Variants in MSH4 observed in about 807,000 individuals in gnomAD.
The protein encoded by MSH4 is mutS homolog 4.
A neutral mutation model predicts 113.7 loss-of-function variants in MSH4; 106 were observed. The ratio of observed to expected loss-of-function variants is 0.93; its 90% CI spans 0.80 to 1.10. The LOEUF is 1.10. Ranked by LOEUF, MSH4 falls within the 50% of genes least tolerant of loss-of-function variation. MSH4 has a pLI of 0.00. For missense variants in MSH4, 1,061 were observed against 1,093.7 expected (o/e 0.97, Z 0.42); for synonymous variants, 368 against 380.2 (o/e 0.97, Z 0.37).
intron 8 of MSH4, among the ~76,000 whole-genome samples, chr1:75,856,768 C>T (rs990833940): frequency 1.3e-5 from 2 of 152,010 alleles, no homozygotes; most frequent in African/African-American, 2.4e-5. Flanking sequence ...GTGTCTTTAT[C>T]GTAGAATGAT....
intron 7 of MSH4, among the ~76,000 whole-genome samples, chr1:75,836,732 A>G (rs1243188662): frequency 6.6e-6 from 1 of 152,124 alleles, no homozygotes; most frequent in Admixed American, 6.6e-5. Flanking sequence ...GTGATTACAC[A>G]ACCTCCTGAT....
At chr1:75,815,836 C>T (rs1056768583) in intron 5 of MSH4, among the ~76,000 whole-genome samples, 1 of 151,964 alleles carries the variant, frequency 6.6e-6, no homozygotes, top group Non-Finnish European at 1.5e-5. Context: ...GGCAAAACCC[C>T]ATCTCTACCA....
At chr1:75,861,417 T>C (rs1651453016) in intron 8 of MSH4, among the ~76,000 whole-genome samples, 1 of 152,234 alleles carries the variant, frequency 6.6e-6, no homozygotes, top group Admixed American at 6.5e-5. Context: ...ACCTTTGTCC[T>C]TTGATGTTGG....
intron 15 of MSH4, 152 bp from the exon 16 acceptor site, chr1:75,889,099 T>G: frequency 2.4e-6 from 1 of 411,054 alleles, no homozygotes; most frequent in Non-Finnish European, 4.4e-6. Flanking sequence ...GCTTTTATAA[T>G]AAGGGATAGA....
At chr1:75,856,603 C>T (rs1004628515) in intron 8 of MSH4, among the ~76,000 whole-genome samples, 3 of 152,178 alleles carry the variant, frequency 2.0e-5, no homozygotes, top group Non-Finnish European at 4.4e-5. Flanking sequence ...CATGTCCCTG[C>T]AAAGCACATG....
intron 9 of MSH4, among the ~76,000 whole-genome samples, chr1:75,869,051 GTAGGAAAGTCTGAAACTTCC>G (rs1169524363): frequency 4.6e-5 from 7 of 152,314 alleles, no homozygotes; most frequent in African/African-American, 1.7e-4. Flanking sequence ...ACAGGAAGTT[GTAGGAAAGTCTGAAACTTCC>G]TAGAGACTTG....
intron 1 of MSH4, among the ~76,000 whole-genome samples, chr1:75,799,240 A>G (rs1384438042): frequency 2.6e-5 from 4 of 152,150 alleles, no homozygotes; most frequent in African/African-American, 9.7e-5. Context: ...TACTAGGCAG[A>G]CGGTATCTTT....
At chr1:75,810,619 A>G in intron 3 of MSH4, 78 bp from the exon 4 acceptor site, 1 of 597,020 alleles carries the variant, frequency 1.7e-6, no homozygotes. Flanking sequence ...AATTAATTTT[A>G]AATACTTATC....
intron 8 of MSH4, among the ~76,000 whole-genome samples, chr1:75,851,494 C>T (rs537952518): frequency 6.6e-6 from 1 of 152,242 alleles, no homozygotes; most frequent in Admixed American, 6.5e-5. Context: ...TCACTGCCAC[C>T]TCTGTCTCCC....
intron 15 of MSH4, among the ~76,000 whole-genome samples, chr1:75,885,047 G>GTATATGTA (rs1223601707): frequency 9.2e-6 from 1 of 108,952 alleles, no homozygotes; most frequent in African/African-American, 4.5e-5. Flanking sequence ...GTGTGTGTGT[G>GTATATGTA]TGTGTGTGTG....
chr1:75,872,137 C>G (rs1044439264), intron 9 of MSH4, among the ~76,000 whole-genome samples: 3 of 152,176 alleles, frequency 2.0e-5, no homozygotes, highest in Admixed American at 6.5e-5. Flanking sequence ...TCCCAGCTAT[C>G]TTCATCTGTA....
At position 75,803,793 on chromosome 1, in the gene MSH4, G is replaced by A; in HGVS notation, c.307G>A (p.Gly103Ser). The A allele has an allele frequency of 6.2e-7, 1 of 1,604,788 alleles. No homozygotes were observed. Among genetic ancestry groups the A allele is most frequent in the Non-Finnish European group, 8.5e-7 (1 of 1,176,720 alleles). The change falls in exon 2 of 20, where the codon GGT (glycine) becomes AGT (serine). Residue 103 changes from glycine (G) to serine (S), a missense_variant. Transcript: ENST00000263187. Reference sequence around the variant, plus strand: ...CACAGTTGCATCAAATTTTACTTTTGGTGCAAGCTCATCTTCTGCACGAGA... The same window carrying A: ...CACAGTTGCATCAAATTTTACTTTTAGTGCAAGCTCATCTTCTGCACGAGA... ...ENTVASNFTF[G>S]ASSSSARDTN...
chr1:75,803,136 T>C (rs1224631526), intron 1 of MSH4, among the ~76,000 whole-genome samples: 2 of 152,270 alleles, frequency 1.3e-5, no homozygotes, highest in Admixed American at 1.3e-4. Flanking sequence ...CAGATATTCA[T>C]ACCTTAGCAA....
intron 8 of MSH4, among the ~76,000 whole-genome samples, chr1:75,860,535 C>T (rs1052079430): frequency 1.3e-5 from 2 of 152,170 alleles, no homozygotes; most frequent in Non-Finnish European, 2.9e-5. Context: ...CTTAGTTTGG[C>T]TGGATATGAA....
chr1:75,899,520 G>A, intron 18 of MSH4, 98 bp from the exon 19 acceptor site: 1 of 616,216 alleles, frequency 1.6e-6, no homozygotes, highest in Non-Finnish European at 2.7e-6. Context: ...TAGAAGGGAA[G>A]TTTAAATCTG....
chr1:75,899,926 G>A (rs1298288808), intron 19 of MSH4, among the ~76,000 whole-genome samples: 1 of 151,462 alleles, frequency 6.6e-6, no homozygotes, highest in Non-Finnish European at 1.5e-5. Flanking sequence ...AACAAGCTAG[G>A]AGATAAAAAT....
intron 15 of MSH4, among the ~76,000 whole-genome samples, chr1:75,886,497 T>TTA: frequency 8.8e-6 from 1 of 114,060 alleles, no homozygotes; most frequent in African/African-American, 3.4e-5. Flanking sequence ...GTATTATATA[T>TTA]GATGTATTAT....
chr1:75,811,449 A>T (rs903616719), intron 4 of MSH4, among the ~76,000 whole-genome samples: 5 of 152,188 alleles, frequency 3.3e-5, no homozygotes, highest in Admixed American at 2.0e-4. Context: ...CCTTACATGT[A>T]TTTTCCTGGA....
At chr1:75,893,565 A>G (rs1652306866) in intron 17 of MSH4, among the ~76,000 whole-genome samples, 2 of 152,168 alleles carry the variant, frequency 1.3e-5, no homozygotes, top group South Asian at 4.1e-4. Flanking sequence ...GGAAACTGTA[A>G]TGGCATCCCA....
Sources: gnomAD v4.1 joint callset for allele counts (sites outside exome capture counted in the v4.1 genomes callset) on GRCh38, gnomAD v4.1.1 for gene constraint, MANE v1.5 for transcripts, NCBI Gene and HGNC (gene_info 2026-07-23, HGNC 2026-07-21) for gene names.